The following TTC28 variants were observed in gnomAD, a reference collection of about 807,000 sequenced individuals.
TTC28 encodes tetratricopeptide repeat domain 28.
A neutral mutation model predicts 198.0 loss-of-function variants in TTC28; 61 were observed. The ratio of observed to expected loss-of-function variants is 0.31; its 90% confidence interval spans 0.25 to 0.38. TTC28 has a LOEUF of 0.38. TTC28 is among the 10% of genes least tolerant of loss of function. The pLI, the probability that TTC28 is intolerant of heterozygous loss-of-function variation, is 1.00. For synonymous variants in TTC28, 1,171 were observed against 1,297.8 expected (o/e 0.90, Z 2.10); for missense variants, 2,678 against 3,164.0 (o/e 0.85, Z 3.69).
chr22:28,169,336 G>T (rs1922395742), intron 5 of TTC28, among the ~76,000 whole-genome samples: 2 of 152,124 alleles, frequency 1.3e-5, no homozygotes, highest in East Asian at 3.9e-4. Context: ...TATACCCAAA[G>T]GATTATAAAT....
chr22:28,326,153 A>G (rs957330147), intron 2 of TTC28, among the ~76,000 whole-genome samples: 1 of 152,158 alleles, frequency 6.6e-6, no homozygotes, highest in African/African-American at 2.4e-5. Flanking sequence ...GTAAGCAACA[A>G]AAAGAAACAA....
intron 6 of TTC28, 37 bp downstream of exon 6, chr22:28,163,055 C>CTTT (rs1921419195): frequency 8.0e-6 from 12 of 1,504,382 alleles, no homozygotes; most frequent in Non-Finnish European, 1.1e-5. Flanking sequence ...CAGCTCATGA[C>CTTT]TTTGACCTGG....
At chr22:28,512,879 A>G (rs1302201190) in intron 2 of TTC28, among the ~76,000 whole-genome samples, 3 of 152,120 alleles carry the variant, frequency 2.0e-5, no homozygotes, top group African/African-American at 4.8e-5. Context: ...TTTTACCTAT[A>G]TAACACCTGC....
intron 4 of TTC28, among the ~76,000 whole-genome samples, chr22:28,297,357 C>T (rs1007461214): frequency 6.6e-6 from 1 of 151,596 alleles, no homozygotes; most frequent in Admixed American, 6.6e-5. Context: ...GACACAGGTA[C>T]ACCACACCCA....
chr22:28,101,520 C>T (rs948058895), intron 8 of TTC28, among the ~76,000 whole-genome samples: 2 of 152,032 alleles, frequency 1.3e-5, no homozygotes, highest in Non-Finnish European at 2.9e-5. Flanking sequence ...CACCACAACC[C>T]GGCTGGCTTT....
At chr22:28,509,171 A>G (rs978566233) in intron 2 of TTC28, among the ~76,000 whole-genome samples, 2 of 151,598 alleles carry the variant, frequency 1.3e-5, no homozygotes, top group Non-Finnish European at 2.9e-5. Context: ...AGCCTGGGCA[A>G]CAAAGTGAGA....
chr22:28,211,551 C>T (rs575713918), intron 5 of TTC28, among the ~76,000 whole-genome samples: 1 of 151,948 alleles, frequency 6.6e-6, no homozygotes, highest in Non-Finnish European at 1.5e-5. Flanking sequence ...TTACATATTG[C>T]TAAAGGGATC....
chr22:28,032,586 C>G (rs961336648), intron 12 of TTC28, among the ~76,000 whole-genome samples: 1 of 152,030 alleles, frequency 6.6e-6, no homozygotes, highest in African/African-American at 2.4e-5. Flanking sequence ...AATTTTATCT[C>G]TATGACAACT....
chr22:28,244,827 C>T (rs1929963586), intron 5 of TTC28, among the ~76,000 whole-genome samples: 1 of 152,114 alleles, frequency 6.6e-6, no homozygotes, highest in Non-Finnish European at 1.5e-5. Context: ...AAATATCCAG[C>T]ACAACATACC....
At chr22:28,612,471 C>G (rs893187237) in intron 2 of TTC28, among the ~76,000 whole-genome samples, 1 of 152,082 alleles carries the variant, frequency 6.6e-6, no homozygotes, top group Non-Finnish European at 1.5e-5. Context: ...CTGGACCAAG[C>G]AGACCTAATA....
chr22:28,590,803 A>G (rs997501626), intron 2 of TTC28, among the ~76,000 whole-genome samples: 1 of 150,456 alleles, frequency 6.6e-6, no homozygotes, highest in Admixed American at 6.6e-5. Context: ...GAGGTCAGGA[A>G]TTTGAGACCA....
chr22:28,138,357 T>A (rs1318602085), intron 6 of TTC28, among the ~76,000 whole-genome samples: 2 of 152,220 alleles, frequency 1.3e-5, no homozygotes, highest in Non-Finnish European at 2.9e-5. Context: ...TCCAAAAATT[T>A]TCAAATGCTC....
chr22:28,265,192 A>C (rs1246060607), intron 5 of TTC28, among the ~76,000 whole-genome samples: 1 of 152,234 alleles, frequency 6.6e-6, no homozygotes, highest in Non-Finnish European at 1.5e-5. Context: ...CATATTTTAC[A>C]CAATTAATAG....
chr22:28,566,166 G>A (rs1199174082), intron 2 of TTC28, among the ~76,000 whole-genome samples: 1 of 152,198 alleles, frequency 6.6e-6, no homozygotes, highest in African/African-American at 2.4e-5. Flanking sequence ...CTAAGGGACA[G>A]AGAAACCAGT....
chr22:28,209,478 A>G (rs1926713722), intron 5 of TTC28, among the ~76,000 whole-genome samples: 1 of 152,174 alleles, frequency 6.6e-6, no homozygotes, highest in Non-Finnish European at 1.5e-5. Context: ...AATGGCACAC[A>G]AGGAGATGAT....
At chr22:28,446,990 T>C (rs988589467) in intron 2 of TTC28, among the ~76,000 whole-genome samples, 1 of 152,194 alleles carries the variant, frequency 6.6e-6, no homozygotes, top group African/African-American at 2.4e-5. Flanking sequence ...TATGACCACT[T>C]GACAGAAAAC....
intron 5 of TTC28, among the ~76,000 whole-genome samples, chr22:28,279,126 C>T (rs139902864): frequency 2.0e-5 from 3 of 152,226 alleles, no homozygotes; most frequent in African/African-American, 7.2e-5. Context: ...AAGAACTGTA[C>T]AGTGAATAAC....
Position 27,983,583 on chromosome 22 carries a change from G to A in TTC28, c.6084C>T (p.Asn2028=), listed in dbSNP as rs112515614. Residue 2028 remains asparagine (N), a synonymous_variant, in exon 23 of 23, where the codon AAC becomes AAT. Coordinates refer to ENST00000397906, the MANE Select transcript of TTC28 (RefSeq NM_001145418.2). The part of the protein sequence containing the change: ...GGRQDHDRSK[N]AYLQRSTLPR... ...GCAGGGTGGATCTCTGCAGGTAAGC[G>A]TTCTTGGACCGGTCATGGTCCTGCC... 34 of 1,550,928 alleles carry A rather than the reference G, an allele frequency of 2.2e-5. 1 individual carries two copies. The highest frequency in any genetic ancestry group is 1.6e-4 in the African/African-American group (12 of 73,100).
At chr22:28,412,614 T>C (rs1023033213) in intron 2 of TTC28, among the ~76,000 whole-genome samples, 15 of 152,240 alleles carry the variant, frequency 9.9e-5, no homozygotes, top group East Asian at 1.9e-4. Context: ...GTGCTAGATA[T>C]ATGCTTTCCA....
Sources: allele counts gnomAD v4.1 joint callset (sites outside exome capture counted in the v4.1 genomes callset), GRCh38; gene constraint gnomAD v4.1.1; transcripts MANE v1.5; gene names NCBI Gene and HGNC (gene_info 2026-07-23, HGNC 2026-07-21).